LONP2: variants seen among roughly 807,000 people sequenced by gnomAD.
LONP2 encodes the protein lon protease homolog 2, peroxisomal.
Under a neutral mutation model 85.6 loss-of-function variants are expected in LONP2, and 60 were observed. The ratio of observed to expected loss-of-function variants is 0.70; its 90% CI spans 0.57 to 0.87. The LOEUF (loss-of-function observed/expected upper bound fraction) is 0.87, where lower values mean the gene tolerates loss of function less well. Among genes scored for constraint, LONP2 ranks in the 40% least tolerant of loss-of-function variants. The probability of loss-of-function intolerance (pLI) is 0.00; values close to 1 mark genes in which losing one functional copy is unlikely to be tolerated. For missense variants in LONP2, 860 were observed against 1,063.5 expected (o/e 0.81, Z 2.66); for synonymous variants, 395 against 389.7 (o/e 1.01, Z -0.16).
At chr16:48,275,708 A>G (rs1972193995) in intron 7 of LONP2, among the ~76,000 whole-genome samples, 1 of 152,284 alleles carries the variant, frequency 6.6e-6, no homozygotes, top group African/African-American at 2.4e-5. Flanking sequence ...TTGAAGCAAG[A>G]AAGTAATGGC....
intron 8 of LONP2, among the ~76,000 whole-genome samples, chr16:48,282,002 A>G (rs540702763): frequency 6.6e-6 from 1 of 152,364 alleles, no homozygotes; most frequent in Non-Finnish European, 1.5e-5. Flanking sequence ...TATATTAATG[A>G]TATAATTTCC....
chr16:48,248,541 A>G (rs1339725857), intron 1 of LONP2, among the ~76,000 whole-genome samples: 1 of 152,164 alleles, frequency 6.6e-6, no homozygotes, highest in African/African-American at 2.4e-5. Context: ...GAAACTGCAA[A>G]GCATTCTAAA....
chr16:48,285,237 A>AT (rs1972414808), intron 8 of LONP2, among the ~76,000 whole-genome samples: 1 of 151,930 alleles, frequency 6.6e-6, no homozygotes, highest in Non-Finnish European at 1.5e-5. Flanking sequence ...CTTATGCCTA[A>AT]TGAGGGCAGC....
intron 8 of LONP2, among the ~76,000 whole-genome samples, chr16:48,294,949 G>A (rs1972636288): frequency 6.6e-6 from 1 of 152,158 alleles, no homozygotes; most frequent in Non-Finnish European, 1.5e-5. Context: ...TTTAAGGTTT[G>A]GAACATGTAG....
chr16:48,280,171 C>T (rs1972296479), intron 8 of LONP2, among the ~76,000 whole-genome samples: 1 of 152,098 alleles, frequency 6.6e-6, no homozygotes, highest in African/African-American at 2.4e-5. Flanking sequence ...AAATAGTGAA[C>T]ATTATTTAAG....
intron 3 of LONP2, among the ~76,000 whole-genome samples, chr16:48,257,339 C>G (rs2150966399): frequency 6.6e-6 from 1 of 152,134 alleles, no homozygotes; most frequent in African/African-American, 2.4e-5. Context: ...TTTAATTTAA[C>G]TTAAATATGT....
In LONP2 at chr16:48,298,956, T is replaced by A. The variant is rs143169112; in HGVS notation, c.1535-706T>A. On this transcript the variant is annotated intron_variant, in intron 9 of 14. Transcript: ENST00000285737. ...CCCAGGCTGGAGTGCAGTGGTGCAA[T>A]CTCAACTCATTGCAACCTCCACCTC... 8.5e-3 allele frequency among the ~76,000 whole-genome samples: 1,294 copies of A among 151,868 alleles called. 13 individuals carry two copies. The highest frequency in any genetic ancestry group is 0.011 in the Non-Finnish European group (770 of 67,924).
rs199538649 is a variant in LONP2 at position 48,257,311 on chromosome 16, TAAATA to T, written c.600+573_600+577del. ...GGGCAACAGAGACTCTGCCTCTAAA[TAAATA>T]AATAAATAAATATTTAATTTAACTT... On this transcript the variant is annotated intron_variant, in intron 3 of 14. Coordinates refer to ENST00000285737, the MANE Select transcript of LONP2 (RefSeq NM_031490.5). Among the ~76,000 whole-genome samples the T allele has an allele frequency of 6.7e-3, 1,021 of 152,014 alleles. 13 individuals are homozygous for T. The highest frequency in any genetic ancestry group is 0.023 in the African/African-American group (971 of 41,496).
At position 48,270,066 on chromosome 16, in the gene LONP2, G is replaced by A. The variant is rs1424012076; in HGVS notation, c.1033G>A (p.Ala345Thr). ...ARILLDNDHY[A>T]MEKLKKRVLE... Reference sequence around the variant, plus strand: ...GATTCTTCTGGATAATGACCATTACGCCATGGAAAAATTGAAGAAAAGAGT... The same window carrying A: ...GATTCTTCTGGATAATGACCATTACACCATGGAAAAATTGAAGAAAAGAGT... The change falls in exon 7 of 15, where the codon GCC (alanine) becomes ACC (threonine). Residue 345 changes from alanine to threonine, a missense_variant. Ala to Thr is a moderately conservative substitution (Grantham distance 58). Coordinates refer to ENST00000285737, the MANE Select transcript of LONP2 (RefSeq NM_031490.5). 1 of 1,613,816 alleles carries A rather than the reference G, an allele frequency of 6.2e-7. No individual in the cohort carries two copies. The highest frequency in any genetic ancestry group is 1.1e-5 in the South Asian group (1 of 91,084).
At chr16:48,315,963 ATTTT>A (rs201723319) in intron 11 of LONP2, among the ~76,000 whole-genome samples, 2 of 107,646 alleles carry the variant, frequency 1.9e-5, no homozygotes, top group African/African-American at 3.7e-5. Context: ...CCATATTGTA[ATTTT>A]TTTTTTTTTT....
chr16:48,269,988 T>G (rs776085174), intron 6 of LONP2, 28 bp from the exon 7 acceptor site: 1 of 1,588,484 alleles, frequency 6.3e-7, no homozygotes, highest in Non-Finnish European at 8.5e-7. Context: ...TTATGTGTTC[T>G]AATTATTTCT....
In LONP2 at chr16:48,347,690, G is replaced by A. The variant is rs745487801; in HGVS notation, c.2122G>A (p.Ala708Thr). Residue 708 changes from alanine (A) to threonine (T), a missense_variant, in exon 13 of 15, where the codon GCA (alanine) becomes ACA (threonine). Ala to Thr is a moderately conservative substitution (Grantham distance 58). Transcript: ENST00000285737. ...CGCTATCAGCTGGCTCCGCAGCAAC[G>A]CAAAGAAGTACCAGCTGACCAATGG... ...HLAISWLRSN[A>T]KKYQLTNAFG... 4.3e-6 allele frequency: 7 copies of A among 1,613,596 alleles called. No homozygotes were observed. The Admixed American group carries it at 6.7e-5, about 15-fold the overall frequency.
intron 9 of LONP2, 114 bp downstream of exon 9, chr16:48,296,279 C>T (rs1972669162): frequency 9.3e-6 from 11 of 1,181,228 alleles, no homozygotes; most frequent in Non-Finnish European, 1.3e-5. Flanking sequence ...ATACAATCTT[C>T]AGAAGTTCTG....
In LONP2 at chr16:48,334,256, T is replaced by G; in HGVS notation, c.1836T>G (p.Ser612=). 6.2e-7 allele frequency: 1 copy of G among 1,614,074 alleles called. No individual in the cohort carries two copies. The highest frequency in any genetic ancestry group is 8.5e-7 in the Non-Finnish European group (1 of 1,179,888). Residue 612 remains serine, a synonymous_variant, in exon 12 of 15, where the codon TCT becomes TCG. Transcript: ENST00000285737. ...EHILEDEKPE[S]ISDTTDLALP... ...TCTTAGAAGATGAAAAACCTGAATC[T>G]ATCAGTGACACTACTGACTTGGCTC...
At chr16:48,265,102 T>A (rs1415539707) in intron 6 of LONP2, among the ~76,000 whole-genome samples, 2 of 152,228 alleles carry the variant, frequency 1.3e-5, no homozygotes, top group Non-Finnish European at 2.9e-5. Context: ...GTTCCTTGTG[T>A]ATTTTGGATA....
At chr16:48,340,467 TACC>T (rs1158157843) in intron 12 of LONP2, among the ~76,000 whole-genome samples, 1 of 152,252 alleles carries the variant, frequency 6.6e-6, no homozygotes, top group Non-Finnish European at 1.5e-5. Context: ...AATAACCTTA[TACC>T]ACCACTTACT....
At chr16:48,357,467 ACT>A (rs1342665462), downstream of LONP2, 3 of 152,166 alleles carry the variant, frequency 2.0e-5, no homozygotes, top group East Asian at 1.9e-4. Context: ...TCTCTGTAAC[ACT>A]CTATCTGTAC....
chr16:48,341,502 C>T (rs1226986054), intron 12 of LONP2, among the ~76,000 whole-genome samples: 1 of 148,302 alleles, frequency 6.7e-6, no homozygotes, highest in Non-Finnish European at 1.5e-5. Flanking sequence ...ATTGCGAGGA[C>T]GACAGTACCA....
At chr16:48,289,727 TA>T (rs1972520996) in intron 8 of LONP2, among the ~76,000 whole-genome samples, 1 of 152,320 alleles carries the variant, frequency 6.6e-6, no homozygotes, top group South Asian at 2.1e-4. Flanking sequence ...ATTTACAAGC[TA>T]TTTTTTTCTG....
Sources: gnomAD v4.1 joint callset for allele counts (sites outside exome capture counted in the v4.1 genomes callset) on GRCh38, gnomAD v4.1.1 for gene constraint, MANE v1.5 for transcripts, NCBI Gene and HGNC (gene_info 2026-07-23, HGNC 2026-07-21) for gene names.